The following SERGEF variants were observed in gnomAD, a reference collection of about 807,000 sequenced individuals.
SERGEF encodes secretion-regulating guanine nucleotide exchange factor.
Under a neutral mutation model 50.0 loss-of-function variants are expected in SERGEF, and 51 were observed. The observed-to-expected ratio is 1.02, with a 90% CI of 0.81 to 1.29. SERGEF has a LOEUF of 1.29. Ranked by LOEUF, SERGEF falls within the 50% of genes most tolerant of loss-of-function variation. SERGEF has a pLI of 0.00. For synonymous variants in SERGEF, 205 were observed against 212.4 expected, an observed-to-expected ratio of 0.97 and a Z score of 0.30; for missense variants, 521 against 557.0, an observed-to-expected ratio of 0.94 and a Z score of 0.65.
chr11:17,958,577 A>G (rs1050391814), intron 9 of SERGEF, among the ~76,000 whole-genome samples: 2 of 152,214 alleles, frequency 1.3e-5, no homozygotes, highest in Non-Finnish European at 2.9e-5. Flanking sequence ...TGGGAAAAAT[A>G]AACACGAGTA....
chr11:17,846,603 G>A (rs1590152557), intron 10 of SERGEF: 1 of 436,614 alleles, frequency 2.3e-6, no homozygotes, highest in South Asian at 1.6e-5. Context: ...TGGTTTGATG[G>A]TCTGGTCATC....
At chr11:17,966,609 A>T (rs780913714) in intron 8 of SERGEF, among the ~76,000 whole-genome samples, 22 of 152,234 alleles carry the variant, frequency 1.4e-4, no homozygotes, top group Non-Finnish European at 2.4e-4. Flanking sequence ...CTCTAATATC[A>T]AAGACTACTC....
At chr11:17,949,566 G>T (rs911749251) in intron 9 of SERGEF, among the ~76,000 whole-genome samples, 1 of 152,070 alleles carries the variant, frequency 6.6e-6, no homozygotes, top group Non-Finnish European at 1.5e-5. Context: ...TCAGCATAGG[G>T]TTTTTGTGCA....
chr11:17,988,655 G>A lies in SERGEF; in HGVS notation c.786C>T (p.Phe262=), dbSNP rs759434408. 6.2e-7 allele frequency: 1 copy of A among 1,614,124 alleles called. No individual in the cohort carries two copies. Among genetic ancestry groups the A allele is most frequent in the South Asian group, 1.1e-5 (1 of 91,078 alleles). The part of the protein sequence containing the change: ...PVPQKIEAHC[F]QNEKVTAIWS... ...AGATGGCAGTGACCTTTTCATTCTG[G>A]AAACAATGTGCTTCTATTTTCTGGG... The change falls in exon 8 of 11, where the codon TTC becomes TTT. Residue 262 remains phenylalanine (F), a synonymous_variant. Coordinates refer to ENST00000265965, the MANE Select transcript of SERGEF (RefSeq NM_012139.4).
At chr11:17,792,232 C>T (rs146899643) in intron 10 of SERGEF, among the ~76,000 whole-genome samples, 5 of 152,318 alleles carry the variant, frequency 3.3e-5, no homozygotes, top group East Asian at 1.9e-4. Flanking sequence ...CCCACAAATG[C>T]GGAAGCGCAT....
chr11:17,817,141 C>G lies in SERGEF; in HGVS notation c.1049-28728G>C, dbSNP rs565576661. On this transcript the variant is annotated intron_variant, in intron 10 of 10. Transcript: ENST00000265965. ...AGGAAAAAGCTCATGATAATAATAA[C>G]AATAACTAACATTTACTGAGAACTT... 1.7e-3 allele frequency among the ~76,000 whole-genome samples: 254 copies of G among 151,910 alleles called. 1 individual carries two copies. Among genetic ancestry groups the G allele is most frequent in the Non-Finnish European group, 3.1e-3 (210 of 67,972 alleles).
At chr11:18,002,042 T>C (rs1444675987) in intron 4 of SERGEF, 1 of 456,278 alleles carries the variant, frequency 2.2e-6, no homozygotes, top group Admixed American at 2.3e-5. Flanking sequence ...GCCTTCCTTC[T>C]TCTGGAAACT....
At chr11:17,866,141 A>G (rs987910844) in intron 10 of SERGEF, among the ~76,000 whole-genome samples, 1 of 152,242 alleles carries the variant, frequency 6.6e-6, no homozygotes, top group Non-Finnish European at 1.5e-5. Flanking sequence ...CCACTTGAGA[A>G]AGCCCCTTGA....
intron 4 of SERGEF, chr11:18,001,867 C>T (rs211134): frequency 0.85 from 333,660 of 394,608 alleles, 141,414 homozygotes; most frequent in East Asian, 0.91. Context: ...TTAAGGCTTA[C>T]CACATTTGTT....
chr11:18,012,784 C>T (rs1854224924), intron 1 of SERGEF, 167 bp downstream of exon 1: 2 of 1,124,136 alleles, frequency 1.8e-6, no homozygotes, highest in East Asian at 3.1e-5. Flanking sequence ...TCCCCGCCCG[C>T]CCGCTCCTCC....
intron 10 of SERGEF, among the ~76,000 whole-genome samples, chr11:17,795,426 C>T (rs1225178319): frequency 6.6e-6 from 1 of 152,182 alleles, no homozygotes; most frequent in African/African-American, 2.4e-5. Context: ...GTCCCTTGCC[C>T]TATCCTTTAT....
intron 10 of SERGEF, among the ~76,000 whole-genome samples, chr11:17,863,199 G>A (rs570013193): frequency 6.6e-6 from 1 of 152,244 alleles, no homozygotes; most frequent in East Asian, 1.9e-4. Context: ...TATGCAAAAT[G>A]TTCAGAATAG....
intron 4 of SERGEF, chr11:18,001,815 C>T (rs1011990353): frequency 4.3e-6 from 1 of 235,012 alleles, no homozygotes; most frequent in African/African-American, 2.3e-5. Context: ...GTTGTTCAAT[C>T]TTTCTCTTTT....
At chr11:17,951,661 C>G (rs1182350557) in intron 9 of SERGEF, among the ~76,000 whole-genome samples, 14 of 152,246 alleles carry the variant, frequency 9.2e-5, no homozygotes. Context: ...GGGTCACACC[C>G]TGATGAGAAC....
chr11:17,990,185 G>C (rs1168183356), intron 7 of SERGEF, among the ~76,000 whole-genome samples: 2 of 152,124 alleles, frequency 1.3e-5, no homozygotes, highest in Non-Finnish European at 2.9e-5. Context: ...TATCATTAAG[G>C]GGCTTCAGAC....
intron 8 of SERGEF, among the ~76,000 whole-genome samples, chr11:17,969,951 T>G (rs918637879): frequency 2.0e-5 from 3 of 152,178 alleles, no homozygotes; most frequent in Non-Finnish European, 4.4e-5. Context: ...TCTAGCTGGG[T>G]AAAACAAGGC....
At chr11:17,934,191 C>G (rs1852406609) in intron 9 of SERGEF, among the ~76,000 whole-genome samples, 1 of 152,010 alleles carries the variant, frequency 6.6e-6, no homozygotes, top group Non-Finnish European at 1.5e-5. Flanking sequence ...TCAAATGGGT[C>G]TAGGGACAAT....
chr11:17,832,856 C>T (rs780707650), intron 10 of SERGEF, among the ~76,000 whole-genome samples: 3 of 152,062 alleles, frequency 2.0e-5, no homozygotes, highest in Admixed American at 6.5e-5. Flanking sequence ...GGGTATCTGG[C>T]GGAAGAAATT....
intron 6 of SERGEF, 56 bp downstream of exon 6, chr11:17,995,738 TTA>T: frequency 8.4e-7 from 1 of 1,188,290 alleles, no homozygotes; most frequent in South Asian, 1.3e-5. Context: ...TTCTGCATGT[TTA>T]TGTCTCTACT....
Sources: gnomAD v4.1 joint callset for allele counts (sites outside exome capture counted in the v4.1 genomes callset) on GRCh38, gnomAD v4.1.1 for gene constraint, MANE v1.5 for transcripts, NCBI Gene and HGNC (gene_info 2026-07-23, HGNC 2026-07-21) for gene names.